Variants in EFCAB6 observed in about 807,000 individuals in gnomAD.
EFCAB6 encodes the protein EF-hand calcium-binding domain-containing protein 6.
A neutral mutation model predicts 169.8 loss-of-function variants in EFCAB6; 156 were observed. The ratio of observed to expected loss-of-function variants is 0.92; its 90% confidence interval spans 0.81 to 1.05. The LOEUF (loss-of-function observed/expected upper bound fraction) is 1.05, where lower values mean the gene tolerates loss of function less well. EFCAB6 is among the 50% of genes least tolerant of loss of function. The probability of loss-of-function intolerance (pLI) is 0.00; values close to 1 mark genes in which losing one functional copy is unlikely to be tolerated. For missense variants in EFCAB6, 1,800 were observed against 1,829.1 expected (o/e 0.98, Z 0.29); for synonymous variants, 698 against 676.4 (o/e 1.03, Z -0.50).
At chr22:43,697,226 C>T (rs753553521) in intron 10 of EFCAB6, among the ~76,000 whole-genome samples, 1 of 152,144 alleles carries the variant, frequency 6.6e-6, no homozygotes, top group Non-Finnish European at 1.5e-5. Context: ...CATTACCTAA[C>T]GTAAACCTTA....
intron 26 of EFCAB6, among the ~76,000 whole-genome samples, chr22:43,558,607 T>G (rs767390243): frequency 1.8e-4 from 27 of 152,208 alleles, no homozygotes; most frequent in Non-Finnish European, 3.4e-4. Context: ...CTTCAATGTC[T>G]TATTTTAAGG....
At chr22:43,696,092 G>A in intron 10 of EFCAB6, among the ~76,000 whole-genome samples, 1 of 152,008 alleles carries the variant, frequency 6.6e-6, no homozygotes, top group East Asian at 1.9e-4. Context: ...AGTATATAAA[G>A]AACTCTTACA....
intron 11 of EFCAB6, among the ~76,000 whole-genome samples, chr22:43,686,608 T>G (rs9614260): frequency 0.11 from 15,766 of 150,018 alleles, 1,139 homozygotes; most frequent in Middle Eastern, 0.17. Context: ...AACTCAGAGG[T>G]TGCAGCTCTG....
intron 22 of EFCAB6, among the ~76,000 whole-genome samples, chr22:43,601,031 T>G (rs1357004386): frequency 6.6e-6 from 1 of 152,216 alleles, no homozygotes; most frequent in Non-Finnish European, 1.5e-5. Flanking sequence ...AGAAAAAAAT[T>G]CTTCAAAAAG....
At chr22:43,609,171 T>G (rs1029376303) in intron 21 of EFCAB6, among the ~76,000 whole-genome samples, 2 of 152,186 alleles carry the variant, frequency 1.3e-5, no homozygotes, top group South Asian at 4.1e-4. Flanking sequence ...CATAACAACA[T>G]GATGAGGTGG....
At chr22:43,766,108 C>T (rs2061319292) in intron 4 of EFCAB6, among the ~76,000 whole-genome samples, 1 of 151,992 alleles carries the variant, frequency 6.6e-6, no homozygotes, top group Admixed American at 6.6e-5. Flanking sequence ...GAATCTCGGC[C>T]CACTGCAACC....
chr22:43,614,076 T>C (rs533585538), intron 21 of EFCAB6, among the ~76,000 whole-genome samples: 121 of 147,902 alleles, frequency 8.2e-4, no homozygotes, highest in South Asian at 2.6e-3. Flanking sequence ...GCATCAAATA[T>C]AGGTTCAATT....
intron 9 of EFCAB6, among the ~76,000 whole-genome samples, chr22:43,711,833 G>T (rs2059171573): frequency 1.3e-5 from 2 of 152,158 alleles, no homozygotes; most frequent in African/African-American, 4.8e-5. Flanking sequence ...AAGTGACAAG[G>T]CAGACACGTT....
chr22:43,627,256 G>C (rs2054594108), intron 19 of EFCAB6, among the ~76,000 whole-genome samples: 1 of 152,162 alleles, frequency 6.6e-6, no homozygotes, highest in South Asian at 2.1e-4. Context: ...CTATTTTGCA[G>C]ATGAGGAAAC....
At chr22:43,718,805 A>G (rs998803712) in intron 8 of EFCAB6, among the ~76,000 whole-genome samples, 3 of 152,092 alleles carry the variant, frequency 2.0e-5, no homozygotes, top group African/African-American at 7.2e-5. Flanking sequence ...TAATAATAAT[A>G]TCAACAAATT....
At chr22:43,726,855 C>T (rs2059756154) in intron 8 of EFCAB6, among the ~76,000 whole-genome samples, 1 of 152,184 alleles carries the variant, frequency 6.6e-6, no homozygotes, top group Admixed American at 6.5e-5. Context: ...CTGAATACAG[C>T]CAAGTAAACT....
intron 2 of EFCAB6, among the ~76,000 whole-genome samples, chr22:43,794,739 C>CA (rs1360374756): frequency 6.6e-6 from 1 of 152,188 alleles, no homozygotes; most frequent in Admixed American, 6.5e-5. Flanking sequence ...GTGCCACCAA[C>CA]ATTTGAAGAC....
At chr22:43,761,184 T>A (rs5763986) in intron 5 of EFCAB6, among the ~76,000 whole-genome samples, 123,120 of 152,184 alleles carry the variant, frequency 0.81, 49,976 homozygotes, top group East Asian at 0.97. Flanking sequence ...CTCACCACAT[T>A]GTGCTGCCTT....
chr22:43,564,159 A>T (rs1016078280), intron 26 of EFCAB6, among the ~76,000 whole-genome samples: 2 of 152,156 alleles, frequency 1.3e-5, no homozygotes, highest in Admixed American at 6.5e-5. Context: ...TTTAGGAAGG[A>T]GCTGTTGGCC....
intron 2 of EFCAB6, among the ~76,000 whole-genome samples, chr22:43,792,537 G>A (rs2062339119): frequency 2.0e-5 from 3 of 152,170 alleles, no homozygotes; most frequent in South Asian, 4.1e-4. Context: ...TTTTAAGAAG[G>A]CAAATACATT....
At chr22:43,562,226 C>A (rs1052809471) in intron 26 of EFCAB6, among the ~76,000 whole-genome samples, 3 of 152,190 alleles carry the variant, frequency 2.0e-5, no homozygotes, top group Non-Finnish European at 4.4e-5. Flanking sequence ...GCAAAGACAG[C>A]CCACCACTAC....
chr22:43,705,696 G>C (rs994710569), intron 10 of EFCAB6, among the ~76,000 whole-genome samples: 1 of 151,946 alleles, frequency 6.6e-6, no homozygotes, highest in African/African-American at 2.4e-5. Flanking sequence ...TAAGACAAAC[G>C]AAAGTGGAAG....
At position 43,555,012 on chromosome 22, in the gene EFCAB6, G is replaced by A. The variant is rs368875107; in HGVS notation, c.3505C>T (p.Arg1169Cys). The change falls in exon 27 of 32, where the codon CGC (arginine) becomes TGC (cysteine). Residue 1169 changes from arginine (R) to cysteine (C), a missense_variant. By Grantham distance (180) the Arg-to-Cys change is radical (BLOSUM62 -3). Transcript: ENST00000262726. ...KATADRDILA[R>C]LHKAVTSHYH... is the part of the protein sequence containing the mutation. ...TGGGAAGTCACTGCTTTGTGGAGGC[G>A]AGCCAGGATGTCTCTGTCGGCTGTG... 14 of 1,614,112 alleles carry A rather than the reference G, an allele frequency of 8.7e-6. No homozygotes were observed. The highest frequency in any genetic ancestry group is 6.7e-5 in the Admixed American group (4 of 60,010).
intron 2 of EFCAB6, among the ~76,000 whole-genome samples, chr22:43,805,143 T>A (rs1042877742): frequency 3.6e-4 from 55 of 152,206 alleles, no homozygotes; most frequent in Middle Eastern, 3.4e-3. Context: ...ATAAAATACC[T>A]AAGAATCAAT....
Sources: allele counts gnomAD v4.1 joint callset (sites outside exome capture counted in the v4.1 genomes callset), GRCh38; gene constraint gnomAD v4.1.1; transcripts MANE v1.5; gene names NCBI Gene and HGNC (gene_info 2026-07-23, HGNC 2026-07-21).